The following JUP variants were observed in gnomAD, a reference collection of about 807,000 sequenced individuals.
The protein encoded by JUP is junction plakoglobin.
JUP carries 28 observed loss-of-function variants against 71.1 expected under a neutral mutation model. The observed-to-expected ratio is 0.39, with a 90% CI of 0.29 to 0.54. The LOEUF (loss-of-function observed/expected upper bound fraction) is 0.54, where lower values mean the gene tolerates loss of function less well. Ranked by LOEUF, JUP falls within the 20% of genes least tolerant of loss-of-function variation. The probability of loss-of-function intolerance (pLI) is 0.62; values close to 1 mark genes in which losing one functional copy is unlikely to be tolerated. For synonymous variants in JUP, 401 were observed against 438.9 expected (o/e 0.91, Z 1.08); for missense variants, 869 against 1,030.1 (o/e 0.84, Z 2.14).
chr17:41,774,885 G>A (rs998938382), intron 1 of JUP, among the ~76,000 whole-genome samples: 1 of 151,744 alleles, frequency 6.6e-6, no homozygotes, highest in Admixed American at 6.6e-5. Flanking sequence ...GGCAGATCAC[G>A]AGGTCAGGAG....
chr17:41,777,289 G>T (rs1272587914), intron 1 of JUP, among the ~76,000 whole-genome samples: 1 of 152,116 alleles, frequency 6.6e-6, no homozygotes, highest in Non-Finnish European at 1.5e-5. Context: ...AGCCAGGCGT[G>T]AACATTCCCC....
At chr17:41,756,813 T>C (rs1913882188) in intron 12 of JUP, among the ~76,000 whole-genome samples, 1 of 150,728 alleles carries the variant, frequency 6.6e-6, no homozygotes, top group African/African-American at 2.5e-5. Context: ...GGCAGGAGAA[T>C]TGCTTGAAAC....
intron 5 of JUP, among the ~76,000 whole-genome samples, chr17:41,766,405 A>T (rs1465235323): frequency 6.6e-6 from 1 of 152,188 alleles, no homozygotes; most frequent in Non-Finnish European, 1.5e-5. Context: ...TGAGGACAAT[A>T]TAGCAAAAAA....
chr17:41,755,799 G>A lies in JUP; in HGVS notation c.2183C>T (p.Thr728Ile). Residue 728 changes from threonine (T) to isoleucine (I), a missense_variant, in exon 14 of 14, where the codon ACC becomes ATC. Physicochemically the swap from Thr to Ile is moderately conservative, Grantham distance 89 (BLOSUM62 -1). Transcript: ENST00000393931. ...CGGGGGCCTGAGGCCGTCGCTGTAG[G>A]TGTCGATGGGGTAGTCTCCATCCAT... ...MDMDGDYPIDTYSDGLRPPYP... is the reference protein window; with the variant it reads ...MDMDGDYPIDIYSDGLRPPYP... 1.2e-6 allele frequency: 2 copies of A among 1,612,960 alleles called. No homozygotes were observed. Among genetic ancestry groups the A allele is most frequent in the Non-Finnish European group, 1.7e-6 (2 of 1,179,472 alleles).
intron 1 of JUP, among the ~76,000 whole-genome samples, chr17:41,783,524 A>G (rs1356953275): frequency 2.6e-5 from 4 of 151,904 alleles, no homozygotes; most frequent in African/African-American, 7.2e-5. Flanking sequence ...CCTGGGCTCA[A>G]TCAAGCAGTC....
chr17:41,755,650 G>C lies in JUP; in HGVS notation c.*94C>G. Reference sequence around the variant, plus strand: ...GGATCCCCCCAAAAAAGGAGCGCAGGTTTCAGCGGGGAGATGGGAGGGCCT... The same window carrying C: ...GGATCCCCCCAAAAAAGGAGCGCAGCTTTCAGCGGGGAGATGGGAGGGCCT... On this transcript the variant is annotated 3_prime_UTR_variant, in exon 14 of 14. Coordinates refer to ENST00000393931, the MANE Select transcript of JUP (RefSeq NM_002230.4). 1 of 1,264,446 alleles carries C rather than the reference G, an allele frequency of 7.9e-7. No homozygotes were observed. Among genetic ancestry groups the C allele is most frequent in the Non-Finnish European group, 1.1e-6 (1 of 931,842 alleles). The allele number at this position is 1,264,446 out of a possible 1,614,324, so 78.3% of individuals were successfully genotyped here.
chr17:41,774,978 C>G (rs1467597291), intron 1 of JUP, among the ~76,000 whole-genome samples: 6 of 151,964 alleles, frequency 3.9e-5, no homozygotes, highest in African/African-American at 1.4e-4. Context: ...TGGTGTGCAC[C>G]TGTAATCCCA....
At chr17:41,756,045 G>T (rs1301319056) in intron 13 of JUP, 130 bp downstream of exon 13, 1 of 1,322,486 alleles carries the variant, frequency 7.6e-7, no homozygotes, top group Non-Finnish European at 1.1e-6. Context: ...TCTAGACTGG[G>T]GTACATGTGG....
intron 5 of JUP, among the ~76,000 whole-genome samples, chr17:41,766,868 AAAAG>A (rs1915795492): frequency 6.7e-6 from 1 of 150,224 alleles, no homozygotes; most frequent in African/African-American, 2.5e-5. Context: ...CAAAAAAAAA[AAAAG>A]AAAGAAAAGA....
chr17:41,764,829 TA>T lies in JUP; in HGVS notation c.1055-14del, dbSNP rs140002183. 6.7e-4 allele frequency: 1,075 copies of T among 1,613,614 alleles called. 23 individuals are homozygous for T. The East Asian group carries it at 0.023, about 35-fold the overall frequency. ...GCCTGCATCCCACCTGGGGCAGGGA[TA>T]GGGGTGCCATCAGCCACGGGGAGCA... On this transcript the variant is annotated splice_polypyrimidine_tract_variant and intron_variant, in intron 6 of 13. Coordinates refer to ENST00000393931, the MANE Select transcript of JUP (RefSeq NM_002230.4).
At chr17:41,771,907 C>A in intron 1 of JUP, 45 bp from the exon 2 acceptor site, 1 of 1,486,998 alleles carries the variant, frequency 6.7e-7, no homozygotes, top group South Asian at 1.2e-5. Context: ...AGTCACCTGG[C>A]CCAGCCCCCA....
intron 5 of JUP, among the ~76,000 whole-genome samples, chr17:41,766,099 G>A (rs781922728): frequency 1.4e-4 from 22 of 152,000 alleles, no homozygotes; most frequent in South Asian, 2.1e-4. Context: ...AACTTAGCCC[G>A]GGTGCTAATT....
Position 41,755,063 on chromosome 17 carries a change from G to C in JUP, c.*681C>G. 1 of 384,266 alleles carries C rather than the reference G, an allele frequency of 2.6e-6. No homozygotes were observed. The allele number at this position is 384,266 out of a possible 1,614,324, so 23.8% of individuals were successfully genotyped here. On this transcript the variant is annotated 3_prime_UTR_variant, in exon 14 of 14. Transcript: ENST00000393931. ...GGGCCCTGGAGGCCCTGGGGGCTTA[G>C]GGCAGTTGGTCGGTGGAGTTCAGTG...
chr17:41,758,809 T>G lies in JUP; in HGVS notation c.1559A>C (p.Glu520Ala). ...LCPANHAPLQEAAVIPRLVQL... is the reference protein window; with the variant it reads ...LCPANHAPLQAAAVIPRLVQL... The stretch of plus-strand genomic sequence containing the variant: ...GACGAGGCGGGGGATGACCGCTGCC[T>G]CCTGCAGCGGGGCATGGTTGGCTGG... Residue 520 changes from glutamate to alanine, a missense_variant, in exon 9 of 14, where the codon GAG becomes GCG. Physicochemically the swap from Glu to Ala is moderately radical, Grantham distance 107. Transcript: ENST00000393931. 6.2e-7 allele frequency: 1 copy of G among 1,611,336 alleles called. No individual in the cohort carries two copies. Among genetic ancestry groups the G allele is most frequent in the Non-Finnish European group, 8.5e-7 (1 of 1,178,502 alleles).
intron 10 of JUP, 51 bp from the exon 11 acceptor site, chr17:41,757,835 A>C: frequency 1.3e-6 from 2 of 1,514,568 alleles, no homozygotes; most frequent in Non-Finnish European, 9.0e-7. Flanking sequence ...GGGGTGAGGC[A>C]GGCCGGACAA....
Position 41,758,537 on chromosome 17 carries a change from G to A in JUP, c.1654-19C>T. ...CACCATCCTGTGTGAGAGGAGGCAG[G>A]GGGCATGGGACAGGTGCCTTGGACA... On this transcript the variant is annotated intron_variant, in intron 9 of 13. Transcript: ENST00000393931. The A allele has an allele frequency of 6.2e-7, 1 of 1,604,290 alleles. No homozygotes were observed. Among genetic ancestry groups the A allele is most frequent in the Non-Finnish European group, 8.5e-7 (1 of 1,172,522 alleles).
chr17:41,764,876 C>A (rs1231533403), intron 6 of JUP, 47 bp downstream of exon 6: 1 of 1,613,714 alleles, frequency 6.2e-7, no homozygotes, highest in Non-Finnish European at 8.5e-7. Context: ...AGCCTGGCAG[C>A]TGGGCAGAGC....
At chr17:41,769,729 C>T (rs183367616) in intron 2 of JUP, 52 bp from the exon 3 acceptor site, 1 of 1,585,196 alleles carries the variant, frequency 6.3e-7, no homozygotes, top group Non-Finnish European at 8.5e-7. Context: ...TGGGCAGACA[C>T]TGGGGAGCAG....
At chr17:41,759,754 T>C (rs1914494353) in intron 8 of JUP, among the ~76,000 whole-genome samples, 2 of 152,090 alleles carry the variant, frequency 1.3e-5, no homozygotes, top group African/African-American at 4.8e-5. Flanking sequence ...ATGAAAATCA[T>C]GTGAGATGGG....
Sources: allele counts gnomAD v4.1 joint callset (sites outside exome capture counted in the v4.1 genomes callset), GRCh38; gene constraint gnomAD v4.1.1; transcripts MANE v1.5; gene names NCBI Gene and HGNC (gene_info 2026-07-23, HGNC 2026-07-21).